Variants in CACHD1 observed in about 807,000 individuals in gnomAD.
CACHD1 encodes cache domain containing 1, also known as VWFA and cache domain-containing protein 1.
Under a neutral mutation model 138.7 loss-of-function variants are expected in CACHD1, and 71 were observed. That is an observed-to-expected ratio of 0.51 (90% CI 0.42 to 0.62). The LOEUF (loss-of-function observed/expected upper bound fraction) is 0.62. Among genes scored for constraint, CACHD1 ranks in the 20% least tolerant of loss-of-function variants. CACHD1 has a pLI of 0.00. For synonymous variants in CACHD1, 578 were observed against 591.5 expected (o/e 0.98, Z 0.33); for missense variants, 1,389 against 1,625.3 (o/e 0.85, Z 2.50).
chr1:64,600,955 T>C (rs1366506986), intron 3 of CACHD1, among the ~76,000 whole-genome samples: 1 of 152,234 alleles, frequency 6.6e-6, no homozygotes, highest in Non-Finnish European at 1.5e-5. Context: ...GTCTCTGTTA[T>C]GCTAGCCACA....
intron 5 of CACHD1, among the ~76,000 whole-genome samples, chr1:64,629,722 C>A (rs1648236268): frequency 6.6e-6 from 1 of 151,984 alleles, no homozygotes; most frequent in South Asian, 2.1e-4. Flanking sequence ...AAGGTACTTA[C>A]TCGTGAAGTC....
chr1:64,675,380 G>A (rs374713591), intron 19 of CACHD1, 21 bp from the exon 20 acceptor site: 1 of 1,543,484 alleles, frequency 6.5e-7, no homozygotes, highest in Non-Finnish European at 8.9e-7. Flanking sequence ...TGTCATTTCT[G>A]ATACCTTGAT....
At position 64,678,137 on chromosome 1, in the gene CACHD1, CTAAG is replaced by C; in HGVS notation, c.3093-19_3093-16del. On this transcript the variant is annotated intron_variant, in intron 22 of 26. Coordinates refer to ENST00000651257, the MANE Select transcript of CACHD1 (RefSeq NM_020925.4). ...CTGCCCCACACTGCTTTATAGAAGA[CTAAG>C]TATTGTTTTTCTGGCAGGGACTGTT... 1.9e-6 allele frequency: 3 copies of C among 1,607,182 alleles called. No homozygotes were observed. The highest frequency in any genetic ancestry group is 2.5e-6 in the Non-Finnish European group (3 of 1,177,252).
intron 1 of CACHD1, among the ~76,000 whole-genome samples, chr1:64,550,045 TG>T (rs1177078120): frequency 1.3e-5 from 2 of 152,166 alleles, no homozygotes; most frequent in African/African-American, 4.8e-5. Flanking sequence ...TCATATTTCC[TG>T]GCATGTAAGA....
intron 8 of CACHD1, among the ~76,000 whole-genome samples, chr1:64,647,077 A>G (rs1648931175): frequency 6.6e-6 from 1 of 152,168 alleles, no homozygotes; most frequent in South Asian, 2.1e-4. Flanking sequence ...AAAAAAAAAA[A>G]AAGTGTATTA....
intron 16 of CACHD1, among the ~76,000 whole-genome samples, chr1:64,669,332 T>C (rs1276705129): frequency 6.6e-6 from 1 of 152,186 alleles, no homozygotes; most frequent in Non-Finnish European, 1.5e-5. Context: ...CATGCTATTT[T>C]TGTTTTAAAG....
At position 64,652,630 on chromosome 1, in the gene CACHD1, G is replaced by A. The variant is rs776225071; in HGVS notation, c.1540+320G>A. On this transcript the variant is annotated intron_variant, in intron 10 of 26. Coordinates refer to ENST00000651257, the MANE Select transcript of CACHD1 (RefSeq NM_020925.4). ...AAAGAAGAAATAATGCAGCCAACAAGCCTATGAAAACAATCGCAGTATCCC... is the reference window on the plus strand; with the variant it reads ...AAAGAAGAAATAATGCAGCCAACAAACCTATGAAAACAATCGCAGTATCCC... 9.9e-5 allele frequency among the ~76,000 whole-genome samples: 15 copies of A among 152,156 alleles called. No homozygotes were observed. In the East Asian group the frequency reaches 1.2e-3, roughly 12 times the overall value.
At chr1:64,546,131 T>A (rs1455296063) in intron 1 of CACHD1, among the ~76,000 whole-genome samples, 2 of 152,048 alleles carry the variant, frequency 1.3e-5, no homozygotes, top group East Asian at 3.9e-4. Context: ...TCCCTTGGGG[T>A]TGTGTTCACA....
At chr1:64,632,477 G>T in intron 5 of CACHD1, 122 bp from the exon 6 acceptor site, 2 of 959,238 alleles carry the variant, frequency 2.1e-6, no homozygotes, top group South Asian at 1.6e-5. Flanking sequence ...CTCCATCCTT[G>T]TGCCATCCCT....
chr1:64,522,867 G>A (rs1209757230), intron 1 of CACHD1, among the ~76,000 whole-genome samples: 1 of 152,148 alleles, frequency 6.6e-6, no homozygotes, highest in Non-Finnish European at 1.5e-5. Context: ...ATTCTGGTGT[G>A]GTATCCCTTC....
At chr1:64,648,110 A>G in intron 9 of CACHD1, 76 bp downstream of exon 9, 1 of 1,142,502 alleles carries the variant, frequency 8.8e-7, no homozygotes, top group Non-Finnish European at 1.3e-6. Flanking sequence ...CTTTCTCAGG[A>G]TCATAGGGTT....
chr1:64,509,016 T>C (rs1183108435), intron 1 of CACHD1, among the ~76,000 whole-genome samples: 1 of 152,188 alleles, frequency 6.6e-6, no homozygotes, highest in Non-Finnish European at 1.5e-5. Flanking sequence ...AGGAAAAAGG[T>C]CTTTTTTTCC....
At chr1:64,511,532 G>A (rs1646420503) in intron 1 of CACHD1, among the ~76,000 whole-genome samples, 1 of 152,084 alleles carries the variant, frequency 6.6e-6, no homozygotes, top group South Asian at 2.1e-4. Context: ...AGATTAGAAT[G>A]GACCTTAGAG....
At chr1:64,545,524 T>G (rs1447702001) in intron 1 of CACHD1, among the ~76,000 whole-genome samples, 2 of 152,248 alleles carry the variant, frequency 1.3e-5, no homozygotes, top group Non-Finnish European at 2.9e-5. Context: ...TTCATCATGT[T>G]GATGCATGTT....
intron 14 of CACHD1, chr1:64,664,118 C>T (rs1649545038): frequency 2.1e-6 from 1 of 480,680 alleles, no homozygotes; most frequent in South Asian, 3.4e-5. Context: ...TGAAACTTTC[C>T]CAGCCCTGTC....
At chr1:64,481,661 A>G (rs1646212231) in intron 1 of CACHD1, among the ~76,000 whole-genome samples, 2 of 152,248 alleles carry the variant, frequency 1.3e-5, no homozygotes, top group African/African-American at 2.4e-5. Context: ...AGAAAATCCA[A>G]GTGTGTCATA....
intron 1 of CACHD1, among the ~76,000 whole-genome samples, chr1:64,548,965 G>C (rs776156031): frequency 6.6e-6 from 1 of 152,150 alleles, no homozygotes; most frequent in African/African-American, 2.4e-5. Flanking sequence ...AGTTAGGAGC[G>C]CCAGATCTGA....
At chr1:64,477,147 A>G (rs547371476) in intron 1 of CACHD1, among the ~76,000 whole-genome samples, 43 of 152,334 alleles carry the variant, frequency 2.8e-4, no homozygotes, top group African/African-American at 9.1e-4. Flanking sequence ...AGGATAACCA[A>G]GTGTCTAGCT....
intron 26 of CACHD1, among the ~76,000 whole-genome samples, chr1:64,690,279 T>A (rs766504236): frequency 7.2e-5 from 11 of 152,184 alleles, no homozygotes; most frequent in Non-Finnish European, 1.6e-4. Context: ...GCACAGAGCA[T>A]ACAATTTCAA....
Sources: gnomAD v4.1 joint callset for allele counts (sites outside exome capture counted in the v4.1 genomes callset) on GRCh38, gnomAD v4.1.1 for gene constraint, MANE v1.5 for transcripts, NCBI Gene and HGNC (gene_info 2026-07-23, HGNC 2026-07-21) for gene names.